TOX: variants seen among roughly 807,000 people sequenced by gnomAD.
TOX encodes the protein thymocyte selection associated high mobility group box.
In TOX, 11 loss-of-function variants were observed where a neutral mutation model predicts 53.7. The ratio of observed to expected loss-of-function variants is 0.20; its 90% confidence interval spans 0.13 to 0.34. The LOEUF is 0.34. Ranked by LOEUF, TOX falls within the 10% of genes least tolerant of loss-of-function variation. The pLI, the probability that TOX is intolerant of heterozygous loss-of-function variation, is 1.00. For synonymous variants in TOX, 225 were observed against 245.3 expected, an observed-to-expected ratio of 0.92 and a Z score of 0.77; for missense variants, 570 against 664.6, an observed-to-expected ratio of 0.86 and a Z score of 1.56.
chr8:59,017,975 A>C (rs1814047344), intron 1 of TOX, among the ~76,000 whole-genome samples: 1 of 152,148 alleles, frequency 6.6e-6, no homozygotes, highest in Admixed American at 6.5e-5. Context: ...TCTCCATTAT[A>C]CCAACAACCC....
At chr8:58,819,350 C>A (rs1383459540) in intron 6 of TOX, among the ~76,000 whole-genome samples, 1 of 152,284 alleles carries the variant, frequency 6.6e-6, no homozygotes, top group Non-Finnish European at 1.5e-5. Context: ...GGTCACCTGA[C>A]AAATGTGTTT....
At chr8:58,959,450 G>A (rs1047566326) in intron 2 of TOX, among the ~76,000 whole-genome samples, 2 of 152,070 alleles carry the variant, frequency 1.3e-5, no homozygotes, top group Non-Finnish European at 2.9e-5. Context: ...TGGCCTGAAA[G>A]CTCCTCCCCA....
intron 3 of TOX, among the ~76,000 whole-genome samples, chr8:58,934,732 T>A (rs1458243012): frequency 1.3e-5 from 2 of 152,200 alleles, no homozygotes; most frequent in African/African-American, 4.8e-5. Context: ...AAGTCTTCCT[T>A]CCCATGCATT....
chr8:58,867,607 T>G (rs1811125898), intron 3 of TOX, among the ~76,000 whole-genome samples: 1 of 152,208 alleles, frequency 6.6e-6, no homozygotes. Context: ...AACTCTAACA[T>G]GTACATGAAT....
At chr8:58,970,018 C>G (rs1812974559) in intron 1 of TOX, among the ~76,000 whole-genome samples, 1 of 152,118 alleles carries the variant, frequency 6.6e-6, no homozygotes, top group African/African-American at 2.4e-5. Context: ...CTTGTTGATA[C>G]ATTAAAATTA....
At chr8:59,038,176 C>T (rs1171672574) in intron 1 of TOX, among the ~76,000 whole-genome samples, 1 of 152,070 alleles carries the variant, frequency 6.6e-6, no homozygotes, top group Admixed American at 6.5e-5. Flanking sequence ...TTAACTGAAG[C>T]CTTTAAAATA....
chr8:58,977,895 T>TA (rs1424221195), intron 1 of TOX, among the ~76,000 whole-genome samples: 1 of 152,082 alleles, frequency 6.6e-6, no homozygotes, highest in African/African-American at 2.4e-5. Context: ...ATAATAATAA[T>TA]AAAAAGTTTG....
chr8:58,834,346 T>G (rs1399189721), intron 5 of TOX, among the ~76,000 whole-genome samples: 1 of 152,206 alleles, frequency 6.6e-6, no homozygotes, highest in Admixed American at 6.5e-5. Flanking sequence ...GCCAACAGCA[T>G]CACATGGTTG....
chr8:58,819,611 C>G (rs533003531), intron 6 of TOX, among the ~76,000 whole-genome samples: 16 of 152,166 alleles, frequency 1.1e-4, no homozygotes, highest in Non-Finnish European at 2.2e-4. Flanking sequence ...CTGAAGATAC[C>G]TTTTACTAAC....
intron 3 of TOX, among the ~76,000 whole-genome samples, chr8:58,852,360 A>G (rs1013572871): frequency 3.9e-5 from 6 of 152,216 alleles, no homozygotes; most frequent in Admixed American, 3.9e-4. Flanking sequence ...CCTAACTACC[A>G]GACTCAAAAC....
At chr8:59,017,039 CA>C (rs1814025478) in intron 1 of TOX, among the ~76,000 whole-genome samples, 1 of 152,194 alleles carries the variant, frequency 6.6e-6, no homozygotes, top group South Asian at 2.1e-4. Flanking sequence ...TGAACTCTTC[CA>C]GGGGGACAGA....
chr8:58,915,629 C>T (rs1812004343), intron 3 of TOX, among the ~76,000 whole-genome samples: 1 of 144,768 alleles, frequency 6.9e-6, no homozygotes. Context: ...ACTGGAAACT[C>T]TAAAACGCAG....
intron 1 of TOX, among the ~76,000 whole-genome samples, chr8:59,076,657 T>G (rs1804297853): frequency 6.6e-6 from 1 of 152,222 alleles, no homozygotes; most frequent in Non-Finnish European, 1.5e-5. Context: ...CTCCTAATTT[T>G]ATGCTAATTT....
intron 1 of TOX, among the ~76,000 whole-genome samples, chr8:59,030,365 G>A (rs539726338): frequency 6.6e-5 from 10 of 152,230 alleles, no homozygotes; most frequent in South Asian, 6.2e-4. Context: ...TCTCTTAAGC[G>A]CACTGCACAG....
chr8:58,977,432 T>C (rs1461602346), intron 1 of TOX, among the ~76,000 whole-genome samples: 1 of 152,244 alleles, frequency 6.6e-6, no homozygotes, highest in Non-Finnish European at 1.5e-5. Flanking sequence ...CAAAACTTTC[T>C]CTACATCAGC....
At chr8:58,947,351 G>A (rs536131774) in intron 2 of TOX, among the ~76,000 whole-genome samples, 1 of 152,102 alleles carries the variant, frequency 6.6e-6, no homozygotes, top group East Asian at 1.9e-4. Flanking sequence ...TTGAATAACT[G>A]ATCAAGATCA....
chr8:59,089,872 C>A (rs1804580424), intron 1 of TOX, among the ~76,000 whole-genome samples: 1 of 152,210 alleles, frequency 6.6e-6, no homozygotes, highest in Non-Finnish European at 1.5e-5. Context: ...GTGTGAGCCA[C>A]CATGCCCAGC....
chr8:58,864,054 C>T (rs1478705245), intron 3 of TOX, among the ~76,000 whole-genome samples: 1 of 151,924 alleles, frequency 6.6e-6, no homozygotes, highest in African/African-American at 2.4e-5. Context: ...GCAGACACAC[C>T]ATCTAATTGT....
chr8:58,904,064 G>C (rs1421740318), intron 3 of TOX, among the ~76,000 whole-genome samples: 3 of 152,186 alleles, frequency 2.0e-5, no homozygotes, highest in South Asian at 4.1e-4. Context: ...AGAAAATGAG[G>C]CTCAGATCAT....
Sources: allele counts gnomAD v4.1 joint callset (sites outside exome capture counted in the v4.1 genomes callset), GRCh38; gene constraint gnomAD v4.1.1; transcripts MANE v1.5; gene names NCBI Gene and HGNC (gene_info 2026-07-23, HGNC 2026-07-21).